The following TAFA2 variants were observed in gnomAD, a reference collection of about 807,000 sequenced individuals.
TAFA2 encodes the protein chemokine-like protein TAFA-2.
A neutral mutation model predicts 18.8 loss-of-function variants in TAFA2; 7 were observed. The observed-to-expected ratio is 0.37, with a 90% confidence interval of 0.21 to 0.70. The LOEUF (loss-of-function observed/expected upper bound fraction) is 0.70. Among genes scored for constraint, TAFA2 ranks in the 30% least tolerant of loss-of-function variants. The pLI is 0.53. For missense variants in TAFA2, 122 were observed against 158.1 expected, an observed-to-expected ratio of 0.77 and a Z score of 1.23; for synonymous variants, 60 against 54.2, an observed-to-expected ratio of 1.11 and a Z score of -0.47.
At chr12:61,824,982 T>C (rs1872482792) in intron 2 of TAFA2, among the ~76,000 whole-genome samples, 1 of 152,162 alleles carries the variant, frequency 6.6e-6, no homozygotes, top group African/African-American at 2.4e-5. Context: ...ATCTATGATG[T>C]TTGTATTAAA....
Position 61,724,751 on chromosome 12 carries a change from A to ATGTGTG in TAFA2, c.385-14340_385-14335dup, listed in dbSNP as rs71083953. Among the ~76,000 whole-genome samples the ATGTGTG allele has an allele frequency of 5.1e-3, 590 of 114,658 alleles. 5 individuals are homozygous for ATGTGTG. Among genetic ancestry groups the ATGTGTG allele is most frequent in the East Asian group, 0.018 (64 of 3,610 alleles). 75.2% of individuals were successfully genotyped at this position (114,658 alleles called of 152,430 possible). On this transcript the variant is annotated intron_variant, in intron 4 of 4. Transcript: ENST00000416284. ...CTGAGTAGTATTCCATGGTATGTCT[A>ATGTGTG]TGTGTGTGTGTGTGTGTGTGTGTGT...
chr12:62,209,840 C>A (rs749863861), intron 1 of TAFA2, among the ~76,000 whole-genome samples: 14 of 152,186 alleles, frequency 9.2e-5, no homozygotes, highest in Non-Finnish European at 1.9e-4. Context: ...TAGATATTAT[C>A]TCATTTTATG....
At chr12:62,021,964 C>A in intron 1 of TAFA2, 1 of 699,500 alleles carries the variant, frequency 1.4e-6, no homozygotes, top group Non-Finnish European at 2.7e-6. Flanking sequence ...CACAGCAAGC[C>A]CTCCTAGGAG....
rs538588456 is a variant in TAFA2 at position 61,849,090 on chromosome 12, C to G, written c.106+18230G>C. 9.2e-5 allele frequency among the ~76,000 whole-genome samples: 14 copies of G among 152,280 alleles called. No homozygotes were observed. The South Asian group carries it at 2.7e-3, about 29-fold the overall frequency. On this transcript the variant is annotated intron_variant, in intron 2 of 4. Transcript: ENST00000416284. ...AACTCCTGACCTCAGGCGATCCACC[C>G]TCCTCGGCCTTCCAGAGTGCTGGAA... is the stretch of plus-strand genomic sequence containing the variant.
chr12:61,926,649 C>G (rs1877305763), intron 1 of TAFA2, among the ~76,000 whole-genome samples: 1 of 152,160 alleles, frequency 6.6e-6, no homozygotes, highest in African/African-American at 2.4e-5. Context: ...TCCAACACTC[C>G]TTCATGCTAA....
chr12:62,248,938 T>A (rs1244597655), intron 1 of TAFA2, among the ~76,000 whole-genome samples: 1 of 152,096 alleles, frequency 6.6e-6, no homozygotes, highest in Admixed American at 6.5e-5. Context: ...GCAATCATCA[T>A]TTGAGAAAAT....
intron 1 of TAFA2, among the ~76,000 whole-genome samples, chr12:62,019,527 A>G (rs895399636): frequency 7.9e-5 from 12 of 152,100 alleles, no homozygotes; most frequent in African/African-American, 2.7e-4. Context: ...GTAGGGACAT[A>G]GATGAAGCTG....
intron 1 of TAFA2, among the ~76,000 whole-genome samples, chr12:61,961,557 G>A (rs1213016378): frequency 2.0e-5 from 3 of 151,878 alleles, no homozygotes; most frequent in African/African-American, 7.3e-5. Flanking sequence ...CTATAAGGCA[G>A]CATCTTTCTC....
intron 1 of TAFA2, among the ~76,000 whole-genome samples, chr12:62,169,517 A>G (rs2062462686): frequency 6.6e-6 from 1 of 152,214 alleles, no homozygotes; most frequent in African/African-American, 2.4e-5. Context: ...AAAGCCACCT[A>G]GAAGAGGTGA....
chr12:62,051,233 G>A (rs1882044281), intron 1 of TAFA2, among the ~76,000 whole-genome samples: 1 of 152,138 alleles, frequency 6.6e-6, no homozygotes, highest in Non-Finnish European at 1.5e-5. Flanking sequence ...CTTCAACCCA[G>A]TGAGGCATAC....
At chr12:61,782,525 A>T (rs1402902975) in intron 2 of TAFA2, among the ~76,000 whole-genome samples, 1 of 151,628 alleles carries the variant, frequency 6.6e-6, no homozygotes, top group African/African-American at 2.4e-5. Context: ...TCTCCCCAAA[A>T]TGTTTTTTAC....
In TAFA2 at chr12:61,850,341, G is replaced by A. The variant is rs1019978123; in HGVS notation, c.106+16979C>T. Among the ~76,000 whole-genome samples, 6 of 151,662 alleles carry A rather than the reference G, an allele frequency of 4.0e-5. No individual in the cohort carries two copies. In the East Asian group the frequency reaches 9.6e-4, roughly 24 times the overall value. On this transcript the variant is annotated intron_variant, in intron 2 of 4. Coordinates refer to ENST00000416284, the MANE Select transcript of TAFA2 (RefSeq NM_178539.5). Reference sequence around the variant, plus strand: ...TCCTTTAAGGGGATGATCAGTCATTGTAATATGTTAAATATATTATCTTAT... The same window carrying A: ...TCCTTTAAGGGGATGATCAGTCATTATAATATGTTAAATATATTATCTTAT...
chr12:61,963,710 C>G (rs1878969401), intron 1 of TAFA2, among the ~76,000 whole-genome samples: 1 of 151,876 alleles, frequency 6.6e-6, no homozygotes, highest in Non-Finnish European at 1.5e-5. Context: ...ACTTTCTGCA[C>G]ATAATTAGAA....
At chr12:62,128,298 G>T (rs1373454280) in intron 1 of TAFA2, among the ~76,000 whole-genome samples, 1 of 151,992 alleles carries the variant, frequency 6.6e-6, no homozygotes, top group Non-Finnish European at 1.5e-5. Flanking sequence ...GAAGCCACAT[G>T]CTTGTTATTG....
chr12:61,799,160 A>T (rs1015157996), intron 2 of TAFA2, among the ~76,000 whole-genome samples: 2 of 152,370 alleles, frequency 1.3e-5, no homozygotes, highest in East Asian at 3.9e-4. Flanking sequence ...AGATAATAAT[A>T]ACATGTGGAT....
intron 2 of TAFA2, among the ~76,000 whole-genome samples, chr12:61,820,134 C>T (rs151235344): frequency 6.6e-6 from 1 of 151,990 alleles, no homozygotes; most frequent in East Asian, 1.9e-4. Context: ...CAACAGTTAC[C>T]AATACTCCTC....
At chr12:62,077,726 A>G (rs986075739) in intron 1 of TAFA2, among the ~76,000 whole-genome samples, 1 of 152,128 alleles carries the variant, frequency 6.6e-6, no homozygotes, top group Non-Finnish European at 1.5e-5. Context: ...GTCTGCCCCC[A>G]GAGTTCTTTT....
chr12:61,872,011 G>A lies in TAFA2; in HGVS notation c.-1-4585C>T, dbSNP rs1385330479. ...GGAGGCTGAGGCAGGAGAATGGCAC[G>A]AACCCGGGAGGTAGAGCTTGCAGTG... On this transcript the variant is annotated intron_variant, in intron 1 of 4. Coordinates refer to ENST00000416284, the MANE Select transcript of TAFA2 (RefSeq NM_178539.5). Among the ~76,000 whole-genome samples the A allele has an allele frequency of 3.3e-5, 5 of 152,134 alleles. No homozygotes were observed. In the South Asian group the frequency reaches 6.2e-4, roughly 19 times the overall value.
chr12:62,223,512 GA>G (rs1362994092), intron 1 of TAFA2, among the ~76,000 whole-genome samples: 2 of 151,890 alleles, frequency 1.3e-5, no homozygotes, highest in African/African-American at 2.4e-5. Flanking sequence ...AAATGATGCT[GA>G]AAAAAACTGG....
Sources: allele counts gnomAD v4.1 joint callset (sites outside exome capture counted in the v4.1 genomes callset), GRCh38; gene constraint gnomAD v4.1.1; transcripts MANE v1.5; gene names NCBI Gene and HGNC (gene_info 2026-07-23, HGNC 2026-07-21).